The following MYCBPAP variants were observed in gnomAD, a reference collection of about 807,000 sequenced individuals.
MYCBPAP encodes the protein MYCBP associated protein, also known as MYCBP-associated protein.
In MYCBPAP, 60 loss-of-function variants were observed where a neutral mutation model predicts 106.1. That is an observed-to-expected ratio of 0.57 (90% CI 0.46 to 0.70). The LOEUF (loss-of-function observed/expected upper bound fraction) is 0.70. MYCBPAP is among the 30% of genes least tolerant of loss of function. The pLI, the probability that MYCBPAP is intolerant of heterozygous loss-of-function variation, is 0.00. For missense variants in MYCBPAP, 1,064 were observed against 1,169.3 expected, an observed-to-expected ratio of 0.91 and a Z score of 1.31; for synonymous variants, 407 against 440.6, an observed-to-expected ratio of 0.92 and a Z score of 0.95.
upstream of MYCBPAP, among the ~76,000 whole-genome samples, chr17:50,508,063 G>C (rs1157712173): frequency 6.6e-6 from 1 of 152,204 alleles, no homozygotes; most frequent in Non-Finnish European, 1.5e-5. Context: ...GCGTTGGTGC[G>C]AGTTGGGGAC....
At chr17:50,529,728 GAGGA>G in intron 18 of MYCBPAP, 1 of 456,166 alleles carries the variant, frequency 2.2e-6, no homozygotes, top group East Asian at 6.9e-5. Context: ...GGGGAACAGA[GAGGA>G]AGGAAGCCCT....
intron 18 of MYCBPAP, chr17:50,530,121 G>A (rs1395027816): frequency 1.4e-5 from 5 of 360,748 alleles, no homozygotes; most frequent in Non-Finnish European, 2.8e-5. Flanking sequence ...GATGGTTGAT[G>A]GGGTCTAGAA....
At chr17:50,519,254 T>C (rs901740713) in intron 6 of MYCBPAP, among the ~76,000 whole-genome samples, 165 bp downstream of exon 6, 5 of 152,182 alleles carry the variant, frequency 3.3e-5, no homozygotes, top group East Asian at 3.9e-4. Context: ...TACTAAATTA[T>C]ATGATTAGTC....
At chr17:50,528,315 A>C in intron 16 of MYCBPAP, 45 bp downstream of exon 16, 11 of 1,449,094 alleles carry the variant, frequency 7.6e-6, no homozygotes, top group South Asian at 1.2e-5. Flanking sequence ...AGCCCTCCTC[A>C]TCTCTCTGAA....
chr17:50,517,494 A>T (rs1429102094), intron 3 of MYCBPAP, 42 bp downstream of exon 3: 24 of 1,614,062 alleles, frequency 1.5e-5, no homozygotes, highest in Non-Finnish European at 2.0e-5. Flanking sequence ...CTTTCAACTC[A>T]TGGGTCAGCC....
At chr17:50,521,007 C>T (rs756043250) in intron 7 of MYCBPAP, 103 bp from the exon 8 acceptor site, 1 of 869,992 alleles carries the variant, frequency 1.1e-6, no homozygotes, top group Non-Finnish European at 1.8e-6. Flanking sequence ...TTAGTCCTTC[C>T]TAGAAATGGT....
chr17:50,508,516 C>A lies in MYCBPAP; in HGVS notation c.-159C>A. On this transcript the variant is annotated 5_prime_UTR_variant, in exon 1 of 19. Coordinates refer to ENST00000323776, the MANE Select transcript of MYCBPAP (RefSeq NM_032133.6). ...GCGGCCCGATGAAGAAGGAGGTTTC[C>A]AAGCCGTCTCCGCCCAAGTTGATCG... The A allele has an allele frequency of 2.0e-6, 3 of 1,533,468 alleles. No individual in the cohort carries two copies. The highest frequency in any genetic ancestry group is 2.6e-6 in the Non-Finnish European group (3 of 1,142,220). The allele number at this position is 1,533,468 out of a possible 1,614,324, so 95.0% of individuals were successfully genotyped here.
In MYCBPAP at chr17:50,519,106, T is replaced by C; in HGVS notation, c.768+17T>C. On this transcript the variant is annotated intron_variant, in intron 6 of 18. Transcript: ENST00000323776. ...GATAGGAAAGTGAGGCCACCTGTCC[T>C]AAGTGCCCGGGGGCAGGGGGGTCCA... The C allele has an allele frequency of 6.6e-7, 1 of 1,505,132 alleles. No individual in the cohort carries two copies. The highest frequency in any genetic ancestry group is 9.0e-7 in the Non-Finnish European group (1 of 1,109,434). 93.2% of individuals were successfully genotyped at this position (1,505,132 alleles called of 1,614,324 possible). A position where few individuals can be genotyped will look rare whatever the true frequency, so the allele number is the denominator to read the frequency against.
In MYCBPAP at chr17:50,524,735, T is replaced by TGAGAGAGA. The variant is rs1023452414; in HGVS notation, c.1636-141_1636-140insAGAGAGAG. ...GCGTGTGTGTGTGTGTGTGTGTGTGTGTGAGAGAGAGAGAGAGAGAGAGAC... is the reference window on the plus strand; with the variant it reads ...GCGTGTGTGTGTGTGTGTGTGTGTGTGAGAGAGAGTGAGAGAGAGAGAGAGAGAGAGAC... On this transcript the variant is annotated intron_variant, in intron 12 of 18. Coordinates refer to ENST00000323776, the MANE Select transcript of MYCBPAP (RefSeq NM_032133.6). The TGAGAGAGA allele has an allele frequency of 3.6e-4, 85 of 238,828 alleles. 1 individual carries two copies. Among genetic ancestry groups the TGAGAGAGA allele is most frequent in the African/African-American group, 2.4e-3 (40 of 16,640 alleles). 14.8% of individuals were successfully genotyped at this position (238,828 alleles called of 1,614,324 possible). A position where few individuals can be genotyped will look rare whatever the true frequency, so the allele number is the denominator to read the frequency against.
rs2034144928 is a variant in MYCBPAP at position 50,518,703 on chromosome 17, A to C, written c.631A>C (p.Lys211Gln). ...NWQRNTALRK[K>Q]QQEALSEHLK... ...GCAGCGTAACACAGCCCTGCGGAAG[A>C]AGCAGCAGGAAGCCCTCAGCGGTGA... Residue 211 changes from lysine to glutamine, a missense_variant, in exon 5 of 19, where the codon AAG becomes CAG. By Grantham distance (53) the Lys-to-Gln change is moderately conservative. Transcript: ENST00000323776. The C allele has an allele frequency of 6.3e-7, 1 of 1,587,972 alleles. No homozygotes were observed. Among genetic ancestry groups the C allele is most frequent in the Non-Finnish European group, 8.5e-7 (1 of 1,170,306 alleles).
At chr17:50,529,739 C>T (rs1216251221) in intron 18 of MYCBPAP, 2 of 456,408 alleles carry the variant, frequency 4.4e-6, no homozygotes, top group Non-Finnish European at 8.8e-6. Flanking sequence ...AGGAAGGAAG[C>T]CCTTCTCTTT....
At chr17:50,515,830 G>C (rs1342718270) in intron 1 of MYCBPAP, 1 of 152,108 alleles carries the variant, frequency 6.6e-6, no homozygotes, top group East Asian at 1.9e-4. Flanking sequence ...CATCTTTTTT[G>C]TATATTAAAA....
chr17:50,525,083 C>T (rs2034412689), intron 13 of MYCBPAP, 60 bp downstream of exon 13: 1 of 1,557,664 alleles, frequency 6.4e-7, no homozygotes, highest in Non-Finnish European at 8.7e-7. Flanking sequence ...GGTCCCCAAC[C>T]CGCAGGCCGC....
intron 1 of MYCBPAP, among the ~76,000 whole-genome samples, chr17:50,512,222 A>G (rs1048857277): frequency 5.3e-5 from 8 of 151,342 alleles, no homozygotes; most frequent in African/African-American, 1.9e-4. Flanking sequence ...CCTGGCTAAT[A>G]TTTTTGTATT....
chr17:50,517,502 G>A, intron 3 of MYCBPAP, 50 bp downstream of exon 3: 2 of 1,614,036 alleles, frequency 1.2e-6, no homozygotes, highest in South Asian at 1.1e-5. Context: ...TCATGGGTCA[G>A]CCTCAAGAGA....
chr17:50,509,762 C>T (rs1358706479), intron 1 of MYCBPAP: 1 of 153,008 alleles, frequency 6.5e-6, no homozygotes, highest in African/African-American at 2.4e-5. Context: ...TCGGTATTAA[C>T]TGTGTGACCC....
At chr17:50,528,903 TG>T in intron 17 of MYCBPAP, 63 bp downstream of exon 17, 1 of 1,588,716 alleles carries the variant, frequency 6.3e-7, no homozygotes, top group South Asian at 1.1e-5. Context: ...GCTGCGGAGG[TG>T]GGGGCTGTGG....
chr17:50,521,275 G>T, intron 8 of MYCBPAP, 41 bp from the exon 9 acceptor site: 1 of 1,594,098 alleles, frequency 6.3e-7, no homozygotes, highest in Non-Finnish European at 8.6e-7. Context: ...GGCGATGCCT[G>T]TCTTCAGTCA....
intron 10 of MYCBPAP, chr17:50,522,709 A>AAAAAAAAAAAAAAATCTATATATATAT: frequency 2.0e-5 from 1 of 50,016 alleles, no homozygotes; most frequent in East Asian, 1.5e-3. Flanking sequence ...AAAAAAAAAA[A>AAAAAAAAAAAAAAATCTATATATATAT]ATATATATAT....
Sources: gnomAD v4.1 joint callset for allele counts (sites outside exome capture counted in the v4.1 genomes callset) on GRCh38, gnomAD v4.1.1 for gene constraint, MANE v1.5 for transcripts, NCBI Gene and HGNC (gene_info 2026-07-23, HGNC 2026-07-21) for gene names.